The following XPO1 variants were observed in gnomAD, a reference collection of about 807,000 sequenced individuals.
XPO1 encodes exportin 1.
A neutral mutation model predicts 133.3 loss-of-function variants in XPO1; 5 were observed. That is an observed-to-expected ratio of 0.04 (90% CI 0.02 to 0.08). The LOEUF (loss-of-function observed/expected upper bound fraction) is 0.08. Ranked by LOEUF, XPO1 falls within the 10% of genes least tolerant of loss-of-function variation. XPO1 has a pLI of 1.00. For synonymous variants in XPO1, 419 were observed against 408.2 expected (o/e 1.03, Z -0.32); for missense variants, 506 against 1,267.5 (o/e 0.40, Z 9.12).
At position 61,482,033 on chromosome 2, in the gene XPO1, C is replaced by CTTTTTT. The variant is rs1491506588; in HGVS notation, c.2972+346_2972+347insAAAAAA. Among the ~76,000 whole-genome samples, 127 of 86,806 alleles carry CTTTTTT rather than the reference C, an allele frequency of 1.5e-3. 23 individuals carry two copies. Among genetic ancestry groups the CTTTTTT allele is most frequent in the Non-Finnish European group, 2.1e-3 (84 of 40,022 alleles). 56.9% of individuals were successfully genotyped at this position (86,806 alleles called of 152,430 possible). ...TACAGTCATGAGCCACCGTGCGTGG[C>CTTTTTT]CTTTTTTTTTTTTTTTTTTTTTTTG... On this transcript the variant is annotated intron_variant, in intron 23 of 24. Transcript: ENST00000401558.
At chr2:61,505,437 G>A (rs1697753971) in intron 4 of XPO1, among the ~76,000 whole-genome samples, 1 of 147,998 alleles carries the variant, frequency 6.8e-6, no homozygotes, top group African/African-American at 2.5e-5. Context: ...TGTCTTCCAG[G>A]CTGGAGTGCA....
intron 17 of XPO1, 71 bp from the exon 18 acceptor site, chr2:61,488,842 C>A: frequency 6.5e-7 from 1 of 1,538,836 alleles, no homozygotes; most frequent in Non-Finnish European, 8.9e-7. Context: ...TGGCTCACGC[C>A]TGTAATCCCA....
Position 61,511,192 on chromosome 2 carries a change from C to T in XPO1, c.302-8882G>A, listed in dbSNP as rs144743282. On this transcript the variant is annotated intron_variant, in intron 4 of 24. Transcript: ENST00000401558. The stretch of plus-strand genomic sequence containing the variant: ...AGGCTGGAATGCAATGGCGCAATCT[C>T]GGCTCACTGCAACCTCCACCTCCCA... Among the ~76,000 whole-genome samples the T allele has an allele frequency of 3.5e-3, 525 of 151,870 alleles. 2 individuals carry two copies. Among genetic ancestry groups the T allele is most frequent in the African/African-American group, 0.011 (448 of 41,406 alleles).
intron 16 of XPO1, among the ~76,000 whole-genome samples, 174 bp from the exon 17 acceptor site, chr2:61,490,950 T>C (rs1696950972): frequency 6.6e-6 from 1 of 151,986 alleles, no homozygotes; most frequent in East Asian, 1.9e-4. Flanking sequence ...TGGTCAGGAG[T>C]TGCAGACCAG....
At chr2:61,488,112 C>T (rs2104379874) in intron 19 of XPO1, 53 bp downstream of exon 19, 1 of 1,487,384 alleles carries the variant, frequency 6.7e-7, no homozygotes, top group East Asian at 2.3e-5. Context: ...TAGCATATTC[C>T]ATAAAACACA....
chr2:61,522,952 T>C (rs952144864), intron 3 of XPO1, among the ~76,000 whole-genome samples: 2 of 152,182 alleles, frequency 1.3e-5, no homozygotes, highest in African/African-American at 4.8e-5. Flanking sequence ...TAAAAAGCCC[T>C]TTAGCAGCCA....
At chr2:61,529,641 TAC>T (rs964862443) in intron 2 of XPO1, among the ~76,000 whole-genome samples, 68 of 149,660 alleles carry the variant, frequency 4.5e-4, no homozygotes, top group African/African-American at 1.6e-3. Context: ...CAGCCTGGGC[TAC>T]AGAGTGAGAC....
intron 22 of XPO1, 71 bp downstream of exon 22, chr2:61,482,886 G>A (rs1696469401): frequency 6.3e-7 from 1 of 1,578,694 alleles, no homozygotes; most frequent in African/African-American, 1.4e-5. Flanking sequence ...ACCTCCCAAA[G>A]TGCTGGGATT....
At position 61,492,870 on chromosome 2, in the gene XPO1, G is replaced by C. The variant is rs757369695; in HGVS notation, c.1384+45C>G. The C allele has an allele frequency of 5.7e-6, 9 of 1,569,094 alleles. No homozygotes were observed. Among genetic ancestry groups the C allele is most frequent in the Non-Finnish European group, 7.8e-6 (9 of 1,158,882 alleles). ...TTTCCTAAAATGTATTTCCACCCCAGAATAGATTTATAAAGGTAAAGATTA... is the reference window on the plus strand; with the variant it reads ...TTTCCTAAAATGTATTTCCACCCCACAATAGATTTATAAAGGTAAAGATTA... On this transcript the variant is annotated intron_variant, in intron 13 of 24. Transcript: ENST00000401558. The surrounding 1 kb of genome is among the most constrained non-coding windows in gnomAD (Gnocchi z 5.6).
At chr2:61,525,471 GT>G (rs758685642) in intron 3 of XPO1, 2 of 1,007,058 alleles carry the variant, frequency 2.0e-6, no homozygotes, top group Non-Finnish European at 2.4e-6. Context: ...TGTAATTTAT[GT>G]AAATTGAAGA....
rs34469311 is a variant in XPO1, at chr2:61,537,752, AAC to A, written c.-199_-198del. 0.013 allele frequency: 1,805 copies of A among 139,156 alleles called. 25 individuals are homozygous for A. Among genetic ancestry groups the A allele is most frequent in the African/African-American group, 0.036 (1,304 of 36,572 alleles). The allele number at this position is 139,156 out of a possible 1,614,324, so 8.6% of individuals were successfully genotyped here. On this transcript the variant is annotated 5_prime_UTR_variant, in exon 1 of 25. Coordinates refer to ENST00000401558, the MANE Select transcript of XPO1 (RefSeq NM_003400.4). ...TTACTATTTCAGGGACGCTTCCCCC[AAC>A]ACACACACACACACACACACACACA...
intron 17 of XPO1, among the ~76,000 whole-genome samples, chr2:61,489,369 C>T (rs1230084083): frequency 6.7e-6 from 1 of 149,688 alleles, no homozygotes; most frequent in African/African-American, 2.5e-5. Context: ...GCCGAGATCA[C>T]GCCATTGCAC....
intron 2 of XPO1, among the ~76,000 whole-genome samples, chr2:61,528,261 T>C (rs1698993749): frequency 6.6e-6 from 1 of 152,132 alleles, no homozygotes; most frequent in African/African-American, 2.4e-5. Context: ...TGTCTTTTCC[T>C]GTCCACATTT....
chr2:61,488,396 A>C (rs1252150171), intron 18 of XPO1, 125 bp from the exon 19 acceptor site: 20 of 1,208,572 alleles, frequency 1.7e-5, no homozygotes, highest in Non-Finnish European at 2.3e-5. Flanking sequence ...CACAAAATTT[A>C]TTGGGAAAAT....
intron 4 of XPO1, among the ~76,000 whole-genome samples, chr2:61,509,371 C>G (rs1697978382): frequency 1.3e-5 from 2 of 152,094 alleles, no homozygotes; most frequent in Non-Finnish European, 2.9e-5. Flanking sequence ...GGTGAGATAG[C>G]TCACGCCTGT....
intron 4 of XPO1, among the ~76,000 whole-genome samples, chr2:61,522,154 C>A (rs72817405): frequency 0.012 from 1,840 of 152,106 alleles, 39 homozygotes; most frequent in Non-Finnish European, 0.012. Flanking sequence ...ACTGCAGTCT[C>A]GACCTTTTGA....
intron 3 of XPO1, among the ~76,000 whole-genome samples, chr2:61,523,779 A>T (rs1476344434): frequency 6.6e-6 from 1 of 152,238 alleles, no homozygotes; most frequent in Non-Finnish European, 1.5e-5. Flanking sequence ...AGACTGTCCC[A>T]AACTACATTG....
At chr2:61,530,939 C>G (rs1356430674) in intron 2 of XPO1, among the ~76,000 whole-genome samples, 2 of 152,090 alleles carry the variant, frequency 1.3e-5, no homozygotes, top group African/African-American at 2.4e-5. Context: ...ACCTATCAAG[C>G]ACTGTAATAG....
At position 61,488,274 on chromosome 2, in the gene XPO1, A is replaced by G. The variant is rs1455087958; in HGVS notation, c.2207-3T>C. The G allele has an allele frequency of 1.9e-6, 3 of 1,612,324 alleles. No individual in the cohort carries two copies. The Admixed American group carries it at 5.0e-5, about 27-fold the overall frequency. On this transcript the variant is annotated splice_region_variant and splice_polypyrimidine_tract_variant and intron_variant, in intron 18 of 24. Transcript: ENST00000401558. ...TGGTTGCTTTGTAACCATTTCACCT[A>G]CAAAACAGAATCAAATGGAATCTAA...
Sources: gnomAD v4.1 joint callset for allele counts (sites outside exome capture counted in the v4.1 genomes callset) on GRCh38, gnomAD v4.1.1 for gene constraint, Gnocchi (gnomAD v3.1) non-coding constraint, MANE v1.5 for transcripts, NCBI Gene and HGNC (gene_info 2026-07-23, HGNC 2026-07-21) for gene names.